FABP12: variants seen among roughly 807,000 people sequenced by gnomAD.
The protein encoded by FABP12 is fatty acid-binding protein 12.
A neutral mutation model predicts 13.7 loss-of-function variants in FABP12; 19 were observed. That is an observed-to-expected ratio of 1.39 (90% CI 0.97 to 2.04). FABP12 has a LOEUF of 2.04. Among genes scored for constraint, FABP12 ranks in the 30% most tolerant of loss-of-function variants. The pLI, the probability that FABP12 is intolerant of heterozygous loss-of-function variation, is 0.00. For synonymous variants in FABP12, 61 were observed against 57.0 expected, an observed-to-expected ratio of 1.07 and a Z score of -0.32; for missense variants, 182 against 164.2, an observed-to-expected ratio of 1.11 and a Z score of -0.59.
At chr8:81,544,278 G>A (rs909306150) in intron 1 of FABP12, among the ~76,000 whole-genome samples, 6 of 152,178 alleles carry the variant, frequency 3.9e-5, no homozygotes, top group African/African-American at 7.2e-5. Context: ...AGACGTTCTG[G>A]AGGGTAGAAG....
At chr8:81,579,781 TAA>T (rs1270767240) in intron 1 of FABP12, among the ~76,000 whole-genome samples, 3 of 152,246 alleles carry the variant, frequency 2.0e-5, no homozygotes, top group Non-Finnish European at 4.4e-5. Context: ...TTTGATGATG[TAA>T]AGTCAAAGGT....
intron 1 of FABP12, among the ~76,000 whole-genome samples, chr8:81,572,718 T>C (rs2130078187): frequency 6.6e-6 from 1 of 152,368 alleles, no homozygotes; most frequent in South Asian, 2.1e-4. Flanking sequence ...TTGAGCGTTT[T>C]TTCATATGTT....
At chr8:81,566,207 C>T (rs894221152) in intron 1 of FABP12, among the ~76,000 whole-genome samples, 1 of 151,962 alleles carries the variant, frequency 6.6e-6, no homozygotes, top group East Asian at 1.9e-4. Context: ...ATCAGTGACC[C>T]GATGGTGTCA....
At chr8:81,574,748 T>C (rs1203091106) in intron 1 of FABP12, among the ~76,000 whole-genome samples, 2 of 152,172 alleles carry the variant, frequency 1.3e-5, no homozygotes, top group African/African-American at 4.8e-5. Flanking sequence ...AAGGTGTTCA[T>C]AGTAGCCTTG....
At chr8:81,528,290 G>C (rs139026141) in intron 3 of FABP12, among the ~76,000 whole-genome samples, 2 of 152,182 alleles carry the variant, frequency 1.3e-5, no homozygotes, top group East Asian at 1.9e-4. Context: ...TGTTGTTCAG[G>C]CTGGTCGTAG....
intron 1 of FABP12, among the ~76,000 whole-genome samples, chr8:81,547,608 T>G (rs1453044043): frequency 2.6e-5 from 4 of 152,222 alleles, no homozygotes; most frequent in African/African-American, 9.6e-5. Context: ...GACAGTGGAA[T>G]CCACAAAGCC....
chr8:81,528,920 T>C (rs1374314182), intron 3 of FABP12, among the ~76,000 whole-genome samples: 1 of 152,022 alleles, frequency 6.6e-6, no homozygotes, highest in Non-Finnish European at 1.5e-5. Context: ...GGGAGCAGAT[T>C]TCCTGTTTAC....
At chr8:81,568,225 A>G (rs892287734) in intron 1 of FABP12, among the ~76,000 whole-genome samples, 4 of 152,206 alleles carry the variant, frequency 2.6e-5, no homozygotes, top group African/African-American at 9.6e-5. Context: ...CAAACTATCC[A>G]TCTGACAAGA....
At chr8:81,569,256 T>G (rs1809882747) in intron 1 of FABP12, among the ~76,000 whole-genome samples, 1 of 152,122 alleles carries the variant, frequency 6.6e-6, no homozygotes, top group Non-Finnish European at 1.5e-5. Flanking sequence ...CACATAAAAA[T>G]TTTTCAAAAA....
At chr8:81,572,121 C>G (rs563269528) in intron 1 of FABP12, among the ~76,000 whole-genome samples, 5 of 151,116 alleles carry the variant, frequency 3.3e-5, no homozygotes, top group East Asian at 1.9e-4. Context: ...ACTCTTCCCC[C>G]CCAAGTCCCC....
intron 1 of FABP12, among the ~76,000 whole-genome samples, chr8:81,571,572 A>C (rs1390231176): frequency 6.6e-6 from 1 of 152,236 alleles, no homozygotes; most frequent in African/African-American, 2.4e-5. Context: ...ATTTTATGTG[A>C]GGAAGGATTA....
chr8:81,558,335 T>A (rs1183146778), intron 1 of FABP12, among the ~76,000 whole-genome samples: 1 of 152,140 alleles, frequency 6.6e-6, no homozygotes, highest in Non-Finnish European at 1.5e-5. Flanking sequence ...ATTCTGTTCA[T>A]TCATCCTTAG....
At chr8:81,573,760 C>T (rs185004595) in intron 1 of FABP12, among the ~76,000 whole-genome samples, 37 of 152,128 alleles carry the variant, frequency 2.4e-4, no homozygotes, top group African/African-American at 8.4e-4. Flanking sequence ...TGCTTGTTCA[C>T]TCTTGGTGTA....
intron 1 of FABP12, among the ~76,000 whole-genome samples, chr8:81,571,425 G>A (rs1809930800): frequency 6.6e-6 from 1 of 152,218 alleles, no homozygotes; most frequent in Admixed American, 6.5e-5. Flanking sequence ...TGTCTGCCTC[G>A]AAGACGTGGG....
chr8:81,554,778 C>T (rs1585847952), intron 1 of FABP12, among the ~76,000 whole-genome samples: 1 of 151,962 alleles, frequency 6.6e-6, no homozygotes, highest in Non-Finnish European at 1.5e-5. Flanking sequence ...ATAAAATACA[C>T]CAACACTAAC....
intron 1 of FABP12, among the ~76,000 whole-genome samples, chr8:81,560,530 C>G (rs908897006): frequency 1.3e-5 from 2 of 152,128 alleles, no homozygotes; most frequent in African/African-American, 4.8e-5. Context: ...ACAGGCCATC[C>G]CCCCATCAGC....
At chr8:81,563,966 C>T (rs1363534682) in intron 1 of FABP12, among the ~76,000 whole-genome samples, 1 of 151,876 alleles carries the variant, frequency 6.6e-6, no homozygotes, top group African/African-American at 2.4e-5. Context: ...AGATTTAACC[C>T]AAATATGACT....
At chr8:81,562,455 C>T (rs1234323636) in intron 1 of FABP12, among the ~76,000 whole-genome samples, 1 of 152,170 alleles carries the variant, frequency 6.6e-6, no homozygotes, top group Non-Finnish European at 1.5e-5. Flanking sequence ...TAGGGTAGAA[C>T]ACCAGGTGTC....
intron 1 of FABP12, among the ~76,000 whole-genome samples, chr8:81,555,469 T>C (rs1011951797): frequency 6.6e-6 from 1 of 152,206 alleles, no homozygotes; most frequent in African/African-American, 2.4e-5. Context: ...TTAAAAAATT[T>C]ACAATAAGAT....
Sources: allele counts gnomAD v4.1 joint callset (sites outside exome capture counted in the v4.1 genomes callset), GRCh38; gene constraint gnomAD v4.1.1; transcripts MANE v1.5; gene names NCBI Gene and HGNC (gene_info 2026-07-23, HGNC 2026-07-21).